LUZP2: variants seen among roughly 807,000 people sequenced by gnomAD.
LUZP2 encodes leucine zipper protein 2.
Under a neutral mutation model 51.6 loss-of-function variants are expected in LUZP2, and 52 were observed. The observed-to-expected ratio is 1.01, with a 90% CI of 0.81 to 1.27. The LOEUF (loss-of-function observed/expected upper bound fraction) is 1.27. Ranked by LOEUF, LUZP2 falls within the 50% of genes most tolerant of loss-of-function variation. The pLI is 0.00. For synonymous variants in LUZP2, 154 were observed against 137.3 expected, an observed-to-expected ratio of 1.12 and a Z score of -0.85; for missense variants, 436 against 395.4, an observed-to-expected ratio of 1.10 and a Z score of -0.87.
At chr11:24,905,923 T>G in intron 5 of LUZP2, 68 bp from the exon 6 acceptor site, 1 of 1,122,450 alleles carries the variant, frequency 8.9e-7, no homozygotes, top group Admixed American at 1.7e-5. Flanking sequence ...GCAATAATGT[T>G]GACATAGTTG....
chr11:24,963,623 G>T (rs567942606), intron 7 of LUZP2, among the ~76,000 whole-genome samples: 1 of 152,084 alleles, frequency 6.6e-6, no homozygotes, highest in Non-Finnish European at 1.5e-5. Flanking sequence ...TCAGAAAGGC[G>T]CAGTATTCGG....
intron 7 of LUZP2, among the ~76,000 whole-genome samples, chr11:24,968,204 G>T (rs1448684624): frequency 6.6e-6 from 1 of 151,996 alleles, no homozygotes; most frequent in Admixed American, 6.6e-5. Flanking sequence ...TTTGAAATAG[G>T]CCTTATTCTA....
chr11:24,633,428 T>C (rs1387853714), intron 1 of LUZP2, among the ~76,000 whole-genome samples: 1 of 151,992 alleles, frequency 6.6e-6, no homozygotes, highest in Non-Finnish European at 1.5e-5. Flanking sequence ...AAGGTCACCT[T>C]CTCATGTGAG....
At position 24,657,293 on chromosome 11, in the gene LUZP2, T is replaced by C. The variant is rs1277943581; in HGVS notation, c.63-71876T>C. 2.0e-5 allele frequency among the ~76,000 whole-genome samples: 3 copies of C among 152,292 alleles called. No homozygotes were observed. The East Asian group carries it at 5.8e-4, about 29-fold the overall frequency. ...AAACTTATATATTAAATGTGGATTA[T>C]TAGAAAAAGTAGAGGCCAAATGAAT... On this transcript the variant is annotated intron_variant, in intron 1 of 11. Coordinates refer to ENST00000336930, the MANE Select transcript of LUZP2 (RefSeq NM_001009909.4).
chr11:24,914,280 T>G (rs994329069), intron 6 of LUZP2, among the ~76,000 whole-genome samples, 196 bp from the exon 7 acceptor site: 3 of 152,226 alleles, frequency 2.0e-5, no homozygotes, highest in Non-Finnish European at 2.9e-5. Context: ...AAGCTTCGGT[T>G]TTTCTCTTTC....
intron 5 of LUZP2, 94 bp from the exon 6 acceptor site, chr11:24,905,897 T>TTA (rs1853437370): frequency 1.2e-6 from 1 of 819,752 alleles, no homozygotes; most frequent in African/African-American, 1.7e-5. Context: ...GGTCTAATTT[T>TTA]TGAACAGAAC....
chr11:24,873,524 T>G (rs565228851), intron 5 of LUZP2, among the ~76,000 whole-genome samples: 1 of 152,258 alleles, frequency 6.6e-6, no homozygotes, highest in Non-Finnish European at 1.5e-5. Flanking sequence ...CAGATAACCC[T>G]TTGACTTCAG....
chr11:24,688,509 T>C (rs894849634), intron 1 of LUZP2, among the ~76,000 whole-genome samples: 3 of 152,190 alleles, frequency 2.0e-5, no homozygotes, highest in Non-Finnish European at 2.9e-5. Flanking sequence ...TGCATTATAA[T>C]TGATTTTGAC....
At chr11:24,526,121 A>G (rs960259930) in intron 1 of LUZP2, among the ~76,000 whole-genome samples, 5 of 148,020 alleles carry the variant, frequency 3.4e-5, no homozygotes, top group African/African-American at 1.3e-4. Flanking sequence ...TTTAAGATAA[A>G]TATCCATCTG....
At chr11:24,857,965 C>G (rs1248264659) in intron 5 of LUZP2, among the ~76,000 whole-genome samples, 1 of 152,074 alleles carries the variant, frequency 6.6e-6, no homozygotes, top group Non-Finnish European at 1.5e-5. Flanking sequence ...TTTTCAGCCC[C>G]TATAATTATA....
At chr11:24,725,351 T>A (rs60760389) in intron 1 of LUZP2, among the ~76,000 whole-genome samples, 2,689 of 152,190 alleles carry the variant, frequency 0.018, 64 homozygotes, top group African/African-American at 0.061. Context: ...TTGTATCCAA[T>A]CGTGTTAGGA....
chr11:24,683,522 T>G (rs560795490), intron 1 of LUZP2, among the ~76,000 whole-genome samples: 5 of 152,342 alleles, frequency 3.3e-5, no homozygotes, highest in South Asian at 2.1e-4. Context: ...TAATATAGAT[T>G]CTTAAATTTG....
chr11:24,770,483 T>C (rs951589419), intron 5 of LUZP2, among the ~76,000 whole-genome samples: 1 of 152,206 alleles, frequency 6.6e-6, no homozygotes, highest in Non-Finnish European at 1.5e-5. Flanking sequence ...CTGTTTGTTA[T>C]ATGGACCATA....
intron 5 of LUZP2, among the ~76,000 whole-genome samples, chr11:24,796,384 G>T (rs577103757): frequency 1.3e-5 from 2 of 152,034 alleles, no homozygotes; most frequent in Middle Eastern, 6.8e-3. Flanking sequence ...GAGGTGTAAC[G>T]TTATTATTAA....
At position 24,543,823 on chromosome 11, in the gene LUZP2, CA is replaced by C. The variant is rs71041774; in HGVS notation, c.62+46540del. On this transcript the variant is annotated intron_variant, in intron 1 of 11. Coordinates refer to ENST00000336930, the MANE Select transcript of LUZP2 (RefSeq NM_001009909.4). ...GGTGACAGACTGAGACTCTGTCTCA[CA>C]AAAAAAAAAAAAAAAAAAAAAGATG... Among the ~76,000 whole-genome samples the C allele has an allele frequency of 1.1e-4, 8 of 75,596 alleles. No homozygotes were observed. In the Admixed American group the frequency reaches 1.1e-3, roughly 10 times the overall value. 49.6% of individuals were successfully genotyped at this position (75,596 alleles called of 152,430 possible). A position where few individuals can be genotyped will look rare whatever the true frequency, so the allele number is the denominator to read the frequency against.
At chr11:24,750,727 T>C (rs897449818) in intron 4 of LUZP2, among the ~76,000 whole-genome samples, 6 of 152,128 alleles carry the variant, frequency 3.9e-5, no homozygotes, top group African/African-American at 1.2e-4. Context: ...ACTTAAGTCT[T>C]CCATGCCTAC....
intron 5 of LUZP2, among the ~76,000 whole-genome samples, chr11:24,876,709 A>G (rs1420635440): frequency 6.6e-6 from 1 of 152,116 alleles, no homozygotes; most frequent in Non-Finnish European, 1.5e-5. Context: ...TTTTCATGAT[A>G]TTGATTCTTC....
intron 1 of LUZP2, among the ~76,000 whole-genome samples, chr11:24,682,540 T>TATATATACATATAC (rs1173646905): frequency 6.9e-6 from 1 of 144,168 alleles, no homozygotes; most frequent in African/African-American, 2.5e-5. Context: ...GTTCAGTGTG[T>TATATATACATATAC]ATATGTATAT....
intron 5 of LUZP2, among the ~76,000 whole-genome samples, chr11:24,808,004 A>T (rs1849904653): frequency 6.6e-6 from 1 of 152,146 alleles, no homozygotes; most frequent in African/African-American, 2.4e-5. Flanking sequence ...TCTGTAGGAG[A>T]CTTACATTCT....
Sources: gnomAD v4.1 joint callset for allele counts (sites outside exome capture counted in the v4.1 genomes callset) on GRCh38, gnomAD v4.1.1 for gene constraint, MANE v1.5 for transcripts, NCBI Gene and HGNC (gene_info 2026-07-23, HGNC 2026-07-21) for gene names.